The following ARHGAP10 variants were observed in gnomAD, a reference collection of about 807,000 sequenced individuals.
ARHGAP10 encodes Rho GTPase activating protein 10, also known as rho GTPase-activating protein 10.
ARHGAP10 carries 87 observed loss-of-function variants against 108.6 expected under a neutral mutation model. The ratio of observed to expected loss-of-function variants is 0.80; its 90% confidence interval spans 0.67 to 0.96. The LOEUF (loss-of-function observed/expected upper bound fraction) is 0.96. Ranked by LOEUF, ARHGAP10 falls within the 40% of genes least tolerant of loss-of-function variation. The pLI is 0.00. For missense variants in ARHGAP10, 939 were observed against 954.5 expected (o/e 0.98, Z 0.21); for synonymous variants, 347 against 341.1 (o/e 1.02, Z -0.19).
intron 18 of ARHGAP10, among the ~76,000 whole-genome samples, chr4:147,997,646 T>C (rs1286528418): frequency 1.3e-5 from 2 of 152,286 alleles, no homozygotes; most frequent in Middle Eastern, 3.4e-3. Context: ...GAAATAACTT[T>C]AATGGTAAAA....
At chr4:147,838,152 A>G (rs1733251265) in intron 3 of ARHGAP10, among the ~76,000 whole-genome samples, 1 of 152,212 alleles carries the variant, frequency 6.6e-6, no homozygotes, top group Non-Finnish European at 1.5e-5. Context: ...TCATGGATAC[A>G]TTCTGAATTT....
intron 4 of ARHGAP10, among the ~76,000 whole-genome samples, chr4:147,853,099 A>C (rs1966686): frequency 6.6e-6 from 1 of 152,218 alleles, no homozygotes; most frequent in Non-Finnish European, 1.5e-5. Context: ...GCTAGAGCCC[A>C]TTTCAGCAGC....
chr4:147,887,206 G>C (rs549670300), intron 10 of ARHGAP10, among the ~76,000 whole-genome samples: 1 of 151,794 alleles, frequency 6.6e-6, no homozygotes, highest in Admixed American at 6.6e-5. Context: ...GCTGTTTCCC[G>C]CTCTAGACAC....
chr4:148,052,746 A>G, intron 20 of ARHGAP10, among the ~76,000 whole-genome samples: 1 of 152,156 alleles, frequency 6.6e-6, no homozygotes. Flanking sequence ...ACCATACCTA[A>G]GTAAACAGCA....
At chr4:147,837,351 A>G (rs1367975538) in intron 3 of ARHGAP10, among the ~76,000 whole-genome samples, 1 of 152,240 alleles carries the variant, frequency 6.6e-6, no homozygotes, top group Non-Finnish European at 1.5e-5. Context: ...TCTAAAAAAT[A>G]CTAATCCTTT....
At chr4:147,826,272 G>A (rs1732704895) in intron 3 of ARHGAP10, among the ~76,000 whole-genome samples, 1 of 152,218 alleles carries the variant, frequency 6.6e-6, no homozygotes, top group Non-Finnish European at 1.5e-5. Context: ...AGGCTGTGTG[G>A]AGTAGACAGC....
intron 1 of ARHGAP10, among the ~76,000 whole-genome samples, chr4:147,755,108 A>G (rs1000303563): frequency 7.2e-5 from 11 of 151,996 alleles, no homozygotes; most frequent in African/African-American, 2.7e-4. Flanking sequence ...TTCTTTCAAA[A>G]TGACTGCTTT....
chr4:148,030,962 G>A (rs1728123746), intron 19 of ARHGAP10, among the ~76,000 whole-genome samples: 1 of 152,150 alleles, frequency 6.6e-6, no homozygotes, highest in East Asian at 1.9e-4. Flanking sequence ...GGGTGGCCGA[G>A]GTGGGAGGAT....
At chr4:148,022,308 G>T (rs1253031917) in intron 18 of ARHGAP10, among the ~76,000 whole-genome samples, 1 of 152,202 alleles carries the variant, frequency 6.6e-6, no homozygotes, top group Admixed American at 6.5e-5. Flanking sequence ...GTATTTGTGG[G>T]TTTTATATTC....
chr4:148,053,469 C>T (rs1434686089), intron 20 of ARHGAP10, among the ~76,000 whole-genome samples: 1 of 152,194 alleles, frequency 6.6e-6, no homozygotes, highest in African/African-American at 2.4e-5. Flanking sequence ...AACACCTTGG[C>T]TGAGATGCGG....
intron 15 of ARHGAP10, among the ~76,000 whole-genome samples, chr4:147,953,674 C>G (rs1738690568): frequency 6.6e-6 from 1 of 151,980 alleles, no homozygotes; most frequent in Admixed American, 6.5e-5. Context: ...CTGGATTGAT[C>G]AATTTTACTG....
intron 19 of ARHGAP10, among the ~76,000 whole-genome samples, chr4:148,039,755 C>T (rs956367942): frequency 2.6e-5 from 4 of 152,060 alleles, no homozygotes; most frequent in Admixed American, 6.6e-5. Flanking sequence ...ATATGTCTTA[C>T]GTGCAGGATT....
At position 147,965,128 on chromosome 4, in the gene ARHGAP10, A is replaced by C. The variant is rs1389397150; in HGVS notation, c.1555A>C (p.Asn519His). 1.0e-5 allele frequency: 16 copies of C among 1,595,778 alleles called. No individual in the cohort carries two copies. The highest frequency in any genetic ancestry group is 1.4e-5 in the Non-Finnish European group (16 of 1,169,846). The change falls in exon 17 of 23, where the codon AAT becomes CAT. Residue 519 changes from asparagine (N) to histidine (H), a missense_variant and splice_region_variant. By Grantham distance (68) the Asn-to-His change is moderately conservative (BLOSUM62 1). Coordinates refer to ENST00000336498, the MANE Select transcript of ARHGAP10 (RefSeq NM_024605.4). The part of the protein sequence containing the change: ...MLDILVKHLT[N>H]VSNHSKQNLM... ...GGATATTTTGGTGAAACACTTAACA[A>C]AGTAAGCCTCTTTTTCTTCGTTTTA...
At chr4:147,790,520 T>C (rs916051896) in intron 1 of ARHGAP10, among the ~76,000 whole-genome samples, 12 of 152,208 alleles carry the variant, frequency 7.9e-5, no homozygotes, top group Non-Finnish European at 1.6e-4. Context: ...CATTTGAAAA[T>C]ATTCAGAGGT....
chr4:147,769,209 T>C (rs1384345041), intron 1 of ARHGAP10, among the ~76,000 whole-genome samples: 1 of 152,178 alleles, frequency 6.6e-6, no homozygotes, highest in Non-Finnish European at 1.5e-5. Context: ...TTAGTGAAAT[T>C]ACTCAGTAAA....
chr4:147,888,929 A>G (rs1045703561), intron 10 of ARHGAP10, among the ~76,000 whole-genome samples: 5 of 152,224 alleles, frequency 3.3e-5, no homozygotes, highest in African/African-American at 1.2e-4. Context: ...CCTAGGTAGA[A>G]TCAGGAATCA....
intron 20 of ARHGAP10, among the ~76,000 whole-genome samples, chr4:148,060,029 AGAGAGAGAC>A (rs1007818077): frequency 1.3e-4 from 20 of 150,716 alleles, no homozygotes; most frequent in African/African-American, 4.4e-4. Context: ...GAGAGAGACG[AGAGAGAGAC>A]GAGAGACAGA....
intron 10 of ARHGAP10, among the ~76,000 whole-genome samples, chr4:147,897,331 G>A (rs1047003468): frequency 6.6e-6 from 1 of 151,744 alleles, no homozygotes; most frequent in African/African-American, 2.4e-5. Flanking sequence ...TTGAACTCCT[G>A]ACTTCAAGCC....
intron 18 of ARHGAP10, among the ~76,000 whole-genome samples, chr4:148,010,854 A>G (rs1741143941): frequency 6.6e-6 from 1 of 152,226 alleles, no homozygotes; most frequent in Non-Finnish European, 1.5e-5. Context: ...ATGGTAGTCC[A>G]TATTTATACT....
Sources: allele counts gnomAD v4.1 joint callset (sites outside exome capture counted in the v4.1 genomes callset), GRCh38; gene constraint gnomAD v4.1.1; transcripts MANE v1.5; gene names NCBI Gene and HGNC (gene_info 2026-07-23, HGNC 2026-07-21).